The following DBR1 variants were observed in gnomAD, a reference collection of about 807,000 sequenced individuals.
DBR1 encodes the protein lariat debranching enzyme.
In DBR1, 33 loss-of-function variants were observed where a neutral mutation model predicts 45.9. That is an observed-to-expected ratio of 0.72 (90% CI 0.55 to 0.96). The LOEUF is 0.96. DBR1 is among the 40% of genes least tolerant of loss of function. DBR1 has a pLI of 0.00. For missense variants in DBR1, 619 were observed against 667.4 expected (o/e 0.93, Z 0.80); for synonymous variants, 235 against 235.9 (o/e 1.00, Z 0.04).
chr3:138,172,823 TCA>T (rs2042961334), intron 2 of DBR1, among the ~76,000 whole-genome samples: 1 of 152,146 alleles, frequency 6.6e-6, no homozygotes, highest in Admixed American at 6.5e-5. Flanking sequence ...CTAATAGACT[TCA>T]GAGTCATGAC....
intron 5 of DBR1, 100 bp from the exon 6 acceptor site, chr3:138,163,958 C>T (rs769776897): frequency 2.7e-6 from 2 of 735,738 alleles, no homozygotes; most frequent in South Asian, 4.1e-5. Context: ...TCACACATAC[C>T]CCTAAGTTGT....
chr3:138,169,748 A>C (rs2042946179), intron 4 of DBR1, among the ~76,000 whole-genome samples: 1 of 152,182 alleles, frequency 6.6e-6, no homozygotes, highest in African/African-American at 2.4e-5. Context: ...CCTGGCAAAC[A>C]TGGTGAAACC....
In DBR1 at chr3:138,161,905, T is replaced by A; in HGVS notation, c.1619A>T (p.Asp540Val). Residue 540 changes from aspartate (D) to valine (V), a missense_variant, in exon 8 of 8, where the codon GAT becomes GTT. By Grantham distance (152) the Asp-to-Val change is radical. Around this residue, in one of 3 missense-constraint regions of DBR1, gnomAD observed 182 missense variants for 196.1 expected, o/e 0.93. Coordinates refer to ENST00000260803, the MANE Select transcript of DBR1 (RefSeq NM_016216.4). ...QAIYAAVDDDDDDAA is the reference protein window; with the variant it reads ...QAIYAAVDDDVDDAA The stretch of plus-strand genomic sequence containing the variant: ...TAAATCATCTTAAGCTGCATCGTCA[T>A]CATCATCATCCACTGCAGCGTAAAT... 1.2e-6 allele frequency: 2 copies of A among 1,611,380 alleles called. No homozygotes were observed. Among genetic ancestry groups the A allele is most frequent in the Non-Finnish European group, 1.7e-6 (2 of 1,177,552 alleles).
intron 4 of DBR1, among the ~76,000 whole-genome samples, chr3:138,167,626 T>C (rs781196157): frequency 1.3e-5 from 2 of 152,186 alleles, no homozygotes; most frequent in Non-Finnish European, 1.5e-5. Context: ...ACGATAACCA[T>C]AGTTCTTTTC....
chr3:138,163,252 G>A (rs1476907422), intron 7 of DBR1, 97 bp downstream of exon 7: 2 of 1,302,180 alleles, frequency 1.5e-6, no homozygotes, highest in South Asian at 1.4e-5. Context: ...GGATAACAGA[G>A]CTAGACCCTG....
At chr3:138,162,902 T>C (rs1393588017) in intron 7 of DBR1, among the ~76,000 whole-genome samples, 9 of 152,236 alleles carry the variant, frequency 5.9e-5, no homozygotes, top group Non-Finnish European at 1.2e-4. Flanking sequence ...CTCTTTTAGA[T>C]GGAAAACCTG....
intron 5 of DBR1, 113 bp downstream of exon 5, chr3:138,166,968 A>G (rs538617253): frequency 1.1e-6 from 1 of 901,826 alleles, no homozygotes; most frequent in East Asian, 2.6e-5. Context: ...ATATTGAGCT[A>G]CTCACAAGAG....
chr3:138,161,642 T>TG lies in DBR1; in HGVS notation c.*246dup. 1 of 399,228 alleles carries TG rather than the reference T, an allele frequency of 2.5e-6. No individual in the cohort carries two copies. The highest frequency in any genetic ancestry group is 4.7e-6 in the Non-Finnish European group (1 of 214,132). 24.7% of individuals were successfully genotyped at this position (399,228 alleles called of 1,614,324 possible). On this transcript the variant is annotated 3_prime_UTR_variant, in exon 8 of 8. Transcript: ENST00000260803. ...AGGTGGATCGCCTGAGGTCAGGAGTTGGAGACCAGCCTGGCCAACACGGTG... is the reference window on the plus strand; with the variant it reads ...AGGTGGATCGCCTGAGGTCAGGAGTTGGGAGACCAGCCTGGCCAACACGGTG...
At chr3:138,174,555 T>TAC in intron 1 of DBR1, 44 bp downstream of exon 1, 1 of 1,437,560 alleles carries the variant, frequency 7.0e-7, no homozygotes, top group Non-Finnish European at 9.6e-7. Context: ...GGGAACCCAG[T>TAC]CCCACCCCCC....
chr3:138,168,606 T>G (rs1471152741), intron 4 of DBR1, among the ~76,000 whole-genome samples: 1 of 151,102 alleles, frequency 6.6e-6, no homozygotes, highest in Non-Finnish European at 1.5e-5. Context: ...ACTGAATAAC[T>G]GGTATGGCCA....
intron 5 of DBR1, 99 bp from the exon 6 acceptor site, chr3:138,163,957 C>T: frequency 1.3e-6 from 1 of 755,378 alleles, no homozygotes; most frequent in South Asian, 1.9e-5. Context: ...ATCACACATA[C>T]CCCTAAGTTG....
intron 1 of DBR1, among the ~76,000 whole-genome samples, chr3:138,174,291 A>T (rs543701574): frequency 6.6e-6 from 1 of 152,278 alleles, no homozygotes; most frequent in South Asian, 2.1e-4. Context: ...CCTCCAGGTT[A>T]TCCCCTCCCA....
At chr3:138,168,778 G>A (rs2042941715) in intron 4 of DBR1, among the ~76,000 whole-genome samples, 2 of 151,998 alleles carry the variant, frequency 1.3e-5, no homozygotes, top group South Asian at 2.1e-4. Flanking sequence ...GCAACATGGC[G>A]AAACTCTGTC....
chr3:138,172,211 G>A (rs564537047), intron 2 of DBR1, among the ~76,000 whole-genome samples: 1 of 152,312 alleles, frequency 6.6e-6, no homozygotes, highest in South Asian at 2.1e-4. Context: ...AAGTAGCAAA[G>A]TAGGGAAACT....
chr3:138,168,412 C>T (rs930982209), intron 4 of DBR1, among the ~76,000 whole-genome samples: 1 of 149,340 alleles, frequency 6.7e-6, no homozygotes, highest in African/African-American at 2.5e-5. Context: ...CCCAGCTACT[C>T]AGGAGGCTGA....
At chr3:138,172,527 G>T (rs558227760) in intron 2 of DBR1, among the ~76,000 whole-genome samples, 1 of 152,216 alleles carries the variant, frequency 6.6e-6, no homozygotes, top group Non-Finnish European at 1.5e-5. Flanking sequence ...CCTGGAAGGC[G>T]AAGGTTGCAA....
In DBR1 at chr3:138,162,124, TC is replaced by T. The variant is rs1449868578; in HGVS notation, c.1399del (p.Asp467MetfsTer9). The T allele has an allele frequency of 6.2e-7, 1 of 1,614,056 alleles. No homozygotes were observed. Among genetic ancestry groups the T allele is most frequent in the African/African-American group, 1.3e-5 (1 of 74,940 alleles). On this transcript the variant is annotated frameshift_variant, in exon 8 of 8. Coordinates refer to ENST00000260803, the MANE Select transcript of DBR1 (RefSeq NM_016216.4). LOFTEE classifies it high-confidence loss of function. ...QASEFSASFS[D>X]VRILPGSMIV... ...CATAGAGCCTGGCAAGATCCTGACA[TC>T]AGAGAAACTTGCAGAAAACTCAGAA... is the stretch of plus-strand genomic sequence containing the variant.
Position 138,162,197 on chromosome 3 carries a change from C to T in DBR1, c.1327G>A (p.Ala443Thr), listed in dbSNP as rs776209163. Residue 443 changes from alanine to threonine, a missense_variant, in exon 8 of 8, where the codon GCA (alanine) becomes ACA (threonine). By Grantham distance (58) the Ala-to-Thr change is moderately conservative (BLOSUM62 0). This residue lies in a region of DBR1 where 182 missense variants were observed against 196.1 expected (regional missense o/e 0.93). Transcript: ENST00000260803. ...EEEDEDSIVS[A>T]HSGMNTPSVE... ...GATGGTGTATTCATGCCACTATGTG[C>T]ACTTACAATACTATCTTCATCTTCT... is the stretch of plus-strand genomic sequence containing the variant. 4.3e-6 allele frequency: 7 copies of T among 1,614,142 alleles called. No homozygotes were observed. In the East Asian group the frequency reaches 8.9e-5, roughly 21 times the overall value.
intron 7 of DBR1, among the ~76,000 whole-genome samples, chr3:138,163,045 C>G (rs2042914960): frequency 6.6e-6 from 1 of 152,134 alleles, no homozygotes; most frequent in Non-Finnish European, 1.5e-5. Context: ...ATAGCTTGAG[C>G]TCAGGAGTTC....
Sources: gnomAD v4.1 joint callset for allele counts (sites outside exome capture counted in the v4.1 genomes callset) on GRCh38, gnomAD v4.1.1 for gene constraint, gnomAD v4.1.1 regional missense constraint, MANE v1.5 for transcripts, NCBI Gene and HGNC (gene_info 2026-07-23, HGNC 2026-07-21) for gene names.